CAPN8: variants seen among roughly 807,000 people sequenced by gnomAD.
The protein encoded by CAPN8 is calpain-8.
In CAPN8, 87 loss-of-function variants were observed where a neutral mutation model predicts 80.9. That is an observed-to-expected ratio of 1.07 (90% CI 0.90 to 1.28). The LOEUF (loss-of-function observed/expected upper bound fraction) is 1.28. CAPN8 is among the 50% of genes most tolerant of loss of function. The pLI, the probability that CAPN8 is intolerant of heterozygous loss-of-function variation, is 0.00. For missense variants in CAPN8, 757 were observed against 702.0 expected (o/e 1.08, Z -0.89); for synonymous variants, 299 against 273.8 (o/e 1.09, Z -0.91).
At chr1:223,640,750 G>A (rs767539800) in intron 2 of CAPN8, among the ~76,000 whole-genome samples, 1 of 152,036 alleles carries the variant, frequency 6.6e-6, no homozygotes, top group African/African-American at 2.4e-5. Context: ...GTAATTAGGA[G>A]GTTGCAAAAA....
intron 13 of CAPN8, among the ~76,000 whole-genome samples, chr1:223,554,682 A>T (rs1656866889): frequency 6.6e-6 from 1 of 152,230 alleles, no homozygotes; most frequent in Non-Finnish European, 1.5e-5. Flanking sequence ...AAAGAGTAGA[A>T]CTAGAAGCCA....
chr1:223,621,151 C>T (rs2102706526), intron 7 of CAPN8, among the ~76,000 whole-genome samples: 1 of 152,090 alleles, frequency 6.6e-6, no homozygotes, highest in South Asian at 2.1e-4. Context: ...TTGATTAAAA[C>T]CAAATCTCAG....
chr1:223,637,335 C>G (rs779413355), intron 2 of CAPN8, among the ~76,000 whole-genome samples: 24 of 152,174 alleles, frequency 1.6e-4, no homozygotes, highest in Non-Finnish European at 2.5e-4. Flanking sequence ...CAGCCTAGCC[C>G]TGGAGCACAG....
intron 17 of CAPN8, 154 bp from the exon 18 acceptor site, chr1:223,545,004 A>G: frequency 1.4e-6 from 2 of 1,454,980 alleles, no homozygotes; most frequent in Non-Finnish European, 1.8e-6. Flanking sequence ...AGCAAGCATA[A>G]GAGCTTGGCC....
At position 223,663,618 on chromosome 1, in the gene CAPN8, A is replaced by T. The variant is rs143013201; in HGVS notation, c.237+1792T>A. On this transcript the variant is annotated intron_variant, in intron 1 of 20. Transcript: ENST00000366872. ...CCTGGCACAAAATGGAAGCTCAAAA[A>T]AACTGTCTGTTGAAATGAAATGTGG... Among the ~76,000 whole-genome samples, 473 of 152,336 alleles carry T rather than the reference A, an allele frequency of 3.1e-3. 14 individuals are homozygous for T. In the East Asian group the frequency reaches 0.063, roughly 20 times the overall value.
intron 1 of CAPN8, among the ~76,000 whole-genome samples, chr1:223,664,181 G>C (rs1007641444): frequency 1.3e-5 from 2 of 152,186 alleles, no homozygotes; most frequent in African/African-American, 4.8e-5. Context: ...CTTGAGCTTT[G>C]GGTAGTATCA....
intron 1 of CAPN8, among the ~76,000 whole-genome samples, chr1:223,659,620 T>C (rs1412909433): frequency 6.6e-6 from 1 of 152,222 alleles, no homozygotes; most frequent in Non-Finnish European, 1.5e-5. Flanking sequence ...AATGTCACTG[T>C]CAAATTTAAC....
At chr1:223,654,517 T>G (rs1450159166) in intron 1 of CAPN8, 118 bp from the exon 2 acceptor site, 3 of 844,218 alleles carry the variant, frequency 3.6e-6, no homozygotes, top group Non-Finnish European at 5.8e-6. Context: ...GATTGTCTAC[T>G]GCCCATCACA....
intron 2 of CAPN8, among the ~76,000 whole-genome samples, chr1:223,650,534 T>C (rs1395047672): frequency 6.6e-6 from 1 of 152,180 alleles, no homozygotes; most frequent in Non-Finnish European, 1.5e-5. Context: ...AAGTCTGGAA[T>C]CATTAGTCGT....
Position 223,616,138 on chromosome 1 carries a change from G to T in CAPN8, c.1143C>A (p.Tyr381Ter), listed in dbSNP as rs753914944. 6.5e-7 allele frequency: 1 copy of T among 1,546,196 alleles called. No homozygotes were observed. Among genetic ancestry groups the T allele is most frequent in the Non-Finnish European group, 8.8e-7 (1 of 1,142,436 alleles). ...GGATTTTGAACTGGGGATTGGTCCA[G>T]TACGTGGCTGGAAGTCACCCAGGTG... is the stretch of plus-strand genomic sequence containing the variant. Reference protein sequence around the residue: ...AGGCQNYPATYWTNPQFKIRL... With the variant: ...AGGCQNYPAT The change falls in exon 10 of 21, where the codon TAC becomes TAA. Residue 381 changes from tyrosine (Y) to a stop codon, truncating the protein, a stop_gained. Transcript: ENST00000366872. LOFTEE classifies it high-confidence loss of function.
intron 14 of CAPN8, among the ~76,000 whole-genome samples, chr1:223,552,437 A>C (rs376799517): frequency 1.3e-5 from 2 of 151,772 alleles, no homozygotes; most frequent in African/African-American, 4.8e-5. Flanking sequence ...TGTGGCTGGC[A>C]TCTGCAGTCC....
chr1:223,648,055 A>G (rs947839556), intron 2 of CAPN8, among the ~76,000 whole-genome samples: 1 of 152,200 alleles, frequency 6.6e-6, no homozygotes, highest in Non-Finnish European at 1.5e-5. Flanking sequence ...AATAATGCGC[A>G]ATATGCAAAT....
At chr1:223,658,618 C>T (rs571109868) in intron 1 of CAPN8, among the ~76,000 whole-genome samples, 25 of 152,162 alleles carry the variant, frequency 1.6e-4, no homozygotes, top group Non-Finnish European at 3.1e-4. Flanking sequence ...GCCCAGCCAA[C>T]GTGGTGAAAT....
chr1:223,662,152 A>G (rs898030825), intron 1 of CAPN8, among the ~76,000 whole-genome samples: 1 of 152,190 alleles, frequency 6.6e-6, no homozygotes, highest in African/African-American at 2.4e-5. Flanking sequence ...CAGTTGTCAG[A>G]AACTGGGGAG....
intron 16 of CAPN8, among the ~76,000 whole-genome samples, chr1:223,546,359 G>A (rs1656622430): frequency 1.3e-5 from 2 of 152,134 alleles, no homozygotes; most frequent in Admixed American, 1.3e-4. Context: ...AATAGCCACT[G>A]CACTCCAGCC....
intron 1 of CAPN8, among the ~76,000 whole-genome samples, 188 bp from the exon 2 acceptor site, chr1:223,654,587 AC>A (rs2102736108): frequency 6.6e-6 from 1 of 152,342 alleles, no homozygotes; most frequent in South Asian, 2.1e-4. Context: ...TCACAGTCAC[AC>A]AGCCAGGGGT....
In CAPN8 at chr1:223,541,850, A is replaced by G. The variant is rs772125597; in HGVS notation, c.2098T>C (p.Cys700Arg). The G allele has an allele frequency of 2.6e-6, 4 of 1,549,818 alleles. No homozygotes were observed. Among genetic ancestry groups the G allele is most frequent in the Non-Finnish European group, 3.5e-6 (4 of 1,146,696 alleles). Reference sequence around the variant, plus strand: ...GAAACCCCGGGTCAGACCAACACGCAGCACAGCCACTGCAAAGGAAAGGGA... The same window carrying G: ...GAAACCCCGGGTCAGACCAACACGCGGCACAGCCACTGCAAAGGAAAGGGA... ...VQLSLAEWLC[C>R]VLV Residue 700 changes from cysteine to arginine, a missense_variant, in exon 21 of 21, where the codon TGC (cysteine) becomes CGC (arginine). Physicochemically the swap from Cys to Arg is radical, Grantham distance 180. Coordinates refer to ENST00000366872, the MANE Select transcript of CAPN8 (RefSeq NM_001143962.2).
chr1:223,549,469 T>C (rs1656725195), intron 15 of CAPN8, 87 bp from the exon 16 acceptor site: 1 of 1,540,542 alleles, frequency 6.5e-7, no homozygotes, highest in Non-Finnish European at 8.8e-7. Context: ...CCTCCAAAGA[T>C]ACCATCCAAG....
chr1:223,642,794 C>A (rs1658078623), intron 2 of CAPN8: 1 of 456,160 alleles, frequency 2.2e-6, no homozygotes, highest in Non-Finnish European at 4.4e-6. Flanking sequence ...CTCCTAGTTG[C>A]TTCTGAAGCC....
Sources: gnomAD v4.1 joint callset for allele counts (sites outside exome capture counted in the v4.1 genomes callset) on GRCh38, gnomAD v4.1.1 for gene constraint, MANE v1.5 for transcripts, NCBI Gene and HGNC (gene_info 2026-07-23, HGNC 2026-07-21) for gene names.